The following RING1 variants were observed in gnomAD, a reference collection of about 807,000 sequenced individuals.
RING1 encodes E3 ubiquitin-protein ligase RING1.
A neutral mutation model predicts 35.0 loss-of-function variants in RING1; 8 were observed. The ratio of observed to expected loss-of-function variants is 0.23; its 90% confidence interval spans 0.13 to 0.41. The LOEUF is 0.41. RING1 is among the 10% of genes least tolerant of loss of function. The pLI, the probability that RING1 is intolerant of heterozygous loss-of-function variation, is 1.00. For synonymous variants in RING1, 214 were observed against 224.3 expected (o/e 0.95, Z 0.41); for missense variants, 343 against 546.8 (o/e 0.63, Z 3.72).
chr6:33,212,270 C>G (rs761130056), intron 6 of RING1, 28 bp from the exon 7 acceptor site: 20 of 1,454,262 alleles, frequency 1.4e-5, no homozygotes, highest in Non-Finnish European at 1.8e-5. Flanking sequence ...CTCTCTTTTC[C>G]CCTCTCTCCC....
At position 33,211,694 on chromosome 6, in the gene RING1, C is replaced by T; in HGVS notation, c.846-35C>T. On this transcript the variant is annotated intron_variant, in intron 5 of 6. Coordinates refer to ENST00000374656, the MANE Select transcript of RING1 (RefSeq NM_002931.4). This position sits in a 1 kb window ranked among gnomAD's most constrained non-coding sequence, Gnocchi z 6.3. ...CTACCTCCAGTCCTCATCTGAGGCG[C>T]TCTGGCTCTAAGCCTGTCCTCCCTC... is the stretch of plus-strand genomic sequence containing the variant. 1 of 1,534,072 alleles carries T rather than the reference C, an allele frequency of 6.5e-7. No individual in the cohort carries two copies. The highest frequency in any genetic ancestry group is 1.3e-5 in the South Asian group (1 of 77,582).
chr6:33,212,601 G>C lies in RING1; in HGVS notation c.*202G>C. 1 of 488,054 alleles carries C rather than the reference G, an allele frequency of 2.0e-6. No homozygotes were observed. Among genetic ancestry groups the C allele is most frequent in the Non-Finnish European group, 3.6e-6 (1 of 276,256 alleles). The allele number at this position is 488,054 out of a possible 1,614,324, so 30.2% of individuals were successfully genotyped here. On this transcript the variant is annotated 3_prime_UTR_variant, in exon 7 of 7. Transcript: ENST00000374656. ...AGTGGGGCAAAACACGCCCCCATCT[G>C]CTGCCTTTTCTATTGCCCTGCAACG...
In RING1 at chr6:33,208,538, C is replaced by T. The variant is rs1041121337; in HGVS notation, c.-165C>T. ...GCCCGGGCCATGGCGGCGGCGGTGG[C>T]GGGAGCTGCTGTCTGAGCAGCGGTT... On this transcript the variant is annotated 5_prime_UTR_variant, in exon 1 of 7. Transcript: ENST00000374656. The surrounding 1 kb of genome is among the most constrained non-coding windows in gnomAD (Gnocchi z 6.2). The T allele has an allele frequency of 2.4e-6, 1 of 421,316 alleles. No individual in the cohort carries two copies. Among genetic ancestry groups the T allele is most frequent in the East Asian group, 3.5e-5 (1 of 28,176 alleles). 26.1% of individuals were successfully genotyped at this position (421,316 alleles called of 1,614,324 possible).
In RING1 at chr6:33,211,429, A is replaced by G. The variant is rs752955571; in HGVS notation, c.727A>G (p.Thr243Ala). The change falls in exon 5 of 7, where the codon ACG becomes GCG. Residue 243 changes from threonine (T) to alanine (A), a missense_variant. Thr to Ala is a moderately conservative substitution (Grantham distance 58). Around this residue, in one of 2 missense-constraint regions of RING1, gnomAD observed 278 missense variants for 383.5 expected, o/e 0.72. Coordinates refer to ENST00000374656, the MANE Select transcript of RING1 (RefSeq NM_002931.4). The surrounding 1 kb of genome is among the most constrained non-coding windows in gnomAD (Gnocchi z 6.3). ...GDRGGTLGGG[T>A]LGPPSPPGAP... ...CCGGGGAGGGACTCTGGGAGGGGGA[A>G]CGCTGGGCCCCCCAAGCCCTCCTGG... 13 of 1,572,274 alleles carry G rather than the reference A, an allele frequency of 8.3e-6. No homozygotes were observed. The highest frequency in any genetic ancestry group is 1.1e-5 in the Non-Finnish European group (13 of 1,159,040).
At position 33,211,753 on chromosome 6, in the gene RING1, C is replaced by T; in HGVS notation, c.870C>T (p.Ala290=). The change falls in exon 6 of 7, where the codon GCC becomes GCT. Residue 290 remains alanine, a synonymous_variant. Transcript: ENST00000374656. This position sits in a 1 kb window ranked among gnomAD's most constrained non-coding sequence, Gnocchi z 6.3. The part of the protein sequence containing the change: ...QTRYVKTTGN[A]TVDHLSKYLA... ...GGTATGTGAAGACAACTGGGAATGC[C>T]ACAGTGGACCACCTCTCCAAGTACT... 6.4e-7 allele frequency: 1 copy of T among 1,553,070 alleles called. No individual in the cohort carries two copies. The highest frequency in any genetic ancestry group is 2.3e-5 in the East Asian group (1 of 44,318).
At chr6:33,212,127 A>G (rs563877808) in intron 6 of RING1, 125 bp downstream of exon 6, 41 of 864,870 alleles carry the variant, frequency 4.7e-5, no homozygotes, top group South Asian at 1.4e-4. Flanking sequence ...ATCTCTTTCT[A>G]TGTCCCCTCT....
In RING1 at chr6:33,211,999, C is replaced by T. The variant is rs1355507044; in HGVS notation, c.1116C>T (p.Phe372=). 12 of 1,530,504 alleles carry T rather than the reference C, an allele frequency of 7.8e-6. No homozygotes were observed. Among genetic ancestry groups the T allele is most frequent in the Non-Finnish European group, 9.7e-6 (11 of 1,135,114 alleles). 94.8% of individuals were successfully genotyped at this position (1,530,504 alleles called of 1,614,324 possible). Residue 372 remains phenylalanine, a synonymous_variant, in exon 6 of 7, where the codon TTC becomes TTT. Transcript: ENST00000374656. This position sits in a 1 kb window ranked among gnomAD's most constrained non-coding sequence, Gnocchi z 6.3. ...TIYIAPGGGA[F]TTLNGSLTLE... ...ACATCGCACCTGGAGGCGGGGCGTTCACGGTGAGAGCTTCTGAGGGCAGTG... is the reference window on the plus strand; with the variant it reads ...ACATCGCACCTGGAGGCGGGGCGTTTACGGTGAGAGCTTCTGAGGGCAGTG...
Position 33,208,574 on chromosome 6 carries a change from C to T in RING1, c.-129C>T. The T allele has an allele frequency of 2.1e-6, 1 of 470,936 alleles. No individual in the cohort carries two copies. Among genetic ancestry groups the T allele is most frequent in the South Asian group, 4.1e-5 (1 of 24,446 alleles). 29.2% of individuals were successfully genotyped at this position (470,936 alleles called of 1,614,324 possible). On this transcript the variant is annotated 5_prime_UTR_variant, in exon 1 of 7. Transcript: ENST00000374656. The surrounding 1 kb of genome is among the most constrained non-coding windows in gnomAD (Gnocchi z 6.2). ...GTCTGAGCAGCGGTTGCGGACCGAG[C>T]GAACTTGGCCCAGGAGCCCGGGCCT...
Position 33,211,088 on chromosome 6 carries a change from A to AT in RING1, c.456-68dup. 6.8e-7 allele frequency: 1 copy of AT among 1,478,608 alleles called. No individual in the cohort carries two copies. The highest frequency in any genetic ancestry group is 9.0e-7 in the Non-Finnish European group (1 of 1,105,828). The allele number at this position is 1,478,608 out of a possible 1,614,324, so 91.6% of individuals were successfully genotyped here. A position where few individuals can be genotyped will look rare whatever the true frequency, so the allele number is the denominator to read the frequency against. ...TCATTAGGATTTTTCTTATCTCTTA[A>AT]TTCTCTGAAGTTTAAAGTCTAAGCC... On this transcript the variant is annotated intron_variant, in intron 4 of 6. Transcript: ENST00000374656. This position sits in a 1 kb window ranked among gnomAD's most constrained non-coding sequence, Gnocchi z 6.3.
chr6:33,212,193 C>G (rs1483830615), intron 6 of RING1, 105 bp from the exon 7 acceptor site: 3 of 925,496 alleles, frequency 3.2e-6, no homozygotes, highest in East Asian at 5.3e-5. Context: ...TTCCTTTTTT[C>G]TTTCCTCCTC....
chr6:33,211,963 G>T lies in RING1; in HGVS notation c.1080G>T (p.Gln360His). 6.3e-7 allele frequency: 1 copy of T among 1,579,916 alleles called. No homozygotes were observed. Among genetic ancestry groups the T allele is most frequent in the Non-Finnish European group, 8.6e-7 (1 of 1,162,092 alleles). ...LPSLEGVSEKQYTIYIAPGGG... is the reference protein window; with the variant it reads ...LPSLEGVSEKHYTIYIAPGGG... The stretch of plus-strand genomic sequence containing the variant: ...GCCTGGAGGGCGTCAGTGAAAAGCA[G>T]TACACCATCTACATCGCACCTGGAG... Residue 360 changes from glutamine to histidine, a missense_variant, in exon 6 of 7, where the codon CAG (glutamine) becomes CAT (histidine). Around this residue, in one of 2 missense-constraint regions of RING1, gnomAD observed 278 missense variants for 383.5 expected, o/e 0.72. Coordinates refer to ENST00000374656, the MANE Select transcript of RING1 (RefSeq NM_002931.4). The surrounding 1 kb of genome is among the most constrained non-coding windows in gnomAD (Gnocchi z 6.3).
rs770825613 is a variant in RING1 at position 33,209,024 on chromosome 6, C to A, written c.78+124C>A. Reference sequence around the variant, plus strand: ...GCCTTGCCTGGCCCTACCTTTGAATCACCTTAATCTTTCCAAAGCACTTTC... The same window carrying A: ...GCCTTGCCTGGCCCTACCTTTGAATAACCTTAATCTTTCCAAAGCACTTTC... On this transcript the variant is annotated intron_variant, in intron 2 of 6. Coordinates refer to ENST00000374656, the MANE Select transcript of RING1 (RefSeq NM_002931.4). The surrounding 1 kb of genome is among the most constrained non-coding windows in gnomAD (Gnocchi z 5.1). The A allele has an allele frequency of 4.9e-6, 4 of 817,284 alleles. No homozygotes were observed. The highest frequency in any genetic ancestry group is 8.4e-6 in the Non-Finnish European group (4 of 477,856). The allele number at this position is 817,284 out of a possible 1,614,324, so 50.6% of individuals were successfully genotyped here. A position where few individuals can be genotyped will look rare whatever the true frequency, so the allele number is the denominator to read the frequency against.
chr6:33,209,873 T>C lies in RING1; in HGVS notation c.240-42T>C. ...GTCTTGGTTCAGCCTAGGCTTCAGT[T>C]CCCTTGACTGACCACTCAGGGCTTC... is the stretch of plus-strand genomic sequence containing the variant. On this transcript the variant is annotated intron_variant, in intron 3 of 6. Coordinates refer to ENST00000374656, the MANE Select transcript of RING1 (RefSeq NM_002931.4). This position sits in a 1 kb window ranked among gnomAD's most constrained non-coding sequence, Gnocchi z 5.1. 6.2e-7 allele frequency: 1 copy of C among 1,611,584 alleles called. No homozygotes were observed. Among genetic ancestry groups the C allele is most frequent in the Non-Finnish European group, 8.5e-7 (1 of 1,177,914 alleles).
At chr6:33,210,652 C>T (rs1013297676) in intron 4 of RING1, among the ~76,000 whole-genome samples, 3 of 152,018 alleles carry the variant, frequency 2.0e-5, no homozygotes, top group Non-Finnish European at 4.4e-5. Context: ...TACCCCATGA[C>T]TTTCTAGAAG....
At chr6:33,210,183 C>T in intron 4 of RING1, 53 bp downstream of exon 4, 1 of 1,509,746 alleles carries the variant, frequency 6.6e-7, no homozygotes, top group South Asian at 1.1e-5. Flanking sequence ...GTGGGTCAGT[C>T]CTTGTTGCCT....
In RING1 at chr6:33,211,844, G is replaced by T. The variant is rs747881990; in HGVS notation, c.961G>T (p.Gly321Trp). Residue 321 changes from glycine to tryptophan, a missense_variant, in exon 6 of 7, where the codon GGG (glycine) becomes TGG (tryptophan). Around this residue, in one of 2 missense-constraint regions of RING1, gnomAD observed 278 missense variants for 383.5 expected, o/e 0.72. Coordinates refer to ENST00000374656, the MANE Select transcript of RING1 (RefSeq NM_002931.4). The surrounding 1 kb of genome is among the most constrained non-coding windows in gnomAD (Gnocchi z 6.3). ...QEAGEPGGPG[G>W]GASDTGGPDG... Reference sequence around the variant, plus strand: ...AGCAGGGGAGCCAGGAGGGCCTGGAGGGGGCGCCTCTGACACCGGAGGACC... The same window carrying T: ...AGCAGGGGAGCCAGGAGGGCCTGGATGGGGCGCCTCTGACACCGGAGGACC... The T allele has an allele frequency of 6.2e-7, 1 of 1,612,576 alleles. No individual in the cohort carries two copies. Among genetic ancestry groups the T allele is most frequent in the South Asian group, 1.1e-5 (1 of 90,928 alleles).
At chr6:33,210,219 A>G (rs1775426339) in intron 4 of RING1, 89 bp downstream of exon 4, 4 of 1,196,534 alleles carry the variant, frequency 3.3e-6, no homozygotes, top group Non-Finnish European at 4.8e-6. Context: ...TCAGCATCCT[A>G]GGAGCTGACC....
In RING1 at chr6:33,208,669, G is replaced by A. The variant is rs933679599; in HGVS notation, c.-59+25G>A. Reference sequence around the variant, plus strand: ...GGTGAGGGGCAGTGCCGGCGCGGGGGCGGGAGCGGGGGCGGAGAGGGGCGC... The same window carrying A: ...GGTGAGGGGCAGTGCCGGCGCGGGGACGGGAGCGGGGGCGGAGAGGGGCGC... On this transcript the variant is annotated intron_variant, in intron 1 of 6. Transcript: ENST00000374656. The surrounding 1 kb of genome is among the most constrained non-coding windows in gnomAD (Gnocchi z 6.2). 29 of 616,546 alleles carry A rather than the reference G, an allele frequency of 4.7e-5. No individual in the cohort carries two copies. In the Middle Eastern group the frequency reaches 1.8e-3, roughly 37 times the overall value. 38.2% of individuals were successfully genotyped at this position (616,546 alleles called of 1,614,324 possible).
chr6:33,208,730 C>G lies in RING1; in HGVS notation c.-58-35C>G. 9.6e-7 allele frequency: 1 copy of G among 1,040,730 alleles called. No individual in the cohort carries two copies. Among genetic ancestry groups the G allele is most frequent in the African/African-American group, 1.6e-5 (1 of 61,322 alleles). 64.5% of individuals were successfully genotyped at this position (1,040,730 alleles called of 1,614,324 possible). On this transcript the variant is annotated intron_variant, in intron 1 of 6. Transcript: ENST00000374656. The surrounding 1 kb of genome is among the most constrained non-coding windows in gnomAD (Gnocchi z 6.2). ...GCGGGGTCTACGCGAGGGGCGGCCC[C>G]CCTGACGCCCTCCTCCCCTTCCCCC...
Sources: allele counts gnomAD v4.1 joint callset (sites outside exome capture counted in the v4.1 genomes callset), GRCh38; gene constraint gnomAD v4.1.1; regional missense constraint gnomAD v4.1.1; non-coding constraint Gnocchi (gnomAD v3.1); transcripts MANE v1.5; gene names NCBI Gene and HGNC (gene_info 2026-07-23, HGNC 2026-07-21).